ZCCHC18: variants seen among roughly 807,000 people sequenced by gnomAD.
ZCCHC18 encodes zinc finger CCHC domain-containing protein 18.
For missense variants in ZCCHC18, 292 were observed against 305.1 expected, an observed-to-expected ratio of 0.96 and a Z score of 0.32; for synonymous variants, 112 against 115.7, an observed-to-expected ratio of 0.97 and a Z score of 0.21.
Position 104,115,391 on chromosome X carries a change from G to C in ZCCHC18, c.*68G>C. 2 of 1,013,976 alleles carry C rather than the reference G, an allele frequency of 2.0e-6. No homozygotes were observed. The highest frequency in any genetic ancestry group is 2.5e-5 in the South Asian group (1 of 40,747). The allele number at this position is 1,013,976 out of a possible 1,213,427, so 83.6% of individuals were successfully genotyped here. A position where few individuals can be genotyped will look rare whatever the true frequency, so the allele number is the denominator to read the frequency against. On this transcript the variant is annotated 3_prime_UTR_variant, in exon 3 of 3. Coordinates refer to ENST00000650639, the MANE Select transcript of ZCCHC18 (RefSeq NM_001143978.3). ...GTCTGGTAATGGGAATAACAGGAGA[G>C]GGGGGTGGGTTTCTAACTGCATGAA...
chrX:104,114,100 T>C lies in ZCCHC18; in HGVS notation c.-12T>C. On this transcript the variant is annotated 5_prime_UTR_variant, in exon 3 of 3. Coordinates refer to ENST00000650639, the MANE Select transcript of ZCCHC18 (RefSeq NM_001143978.3). ...CATCTTGTTGTATTCAGATACCCTA[T>C]CGTCGTCAGTCATGGCTAGCATCAC... 2 of 1,211,618 alleles carry C rather than the reference T, an allele frequency of 1.7e-6. No individual in the cohort carries two copies. The highest frequency in any genetic ancestry group is 2.2e-6 in the Non-Finnish European group (2 of 895,447).
In ZCCHC18 at chrX:104,114,053, AG is replaced by A; in HGVS notation, c.-57del. Reference sequence around the variant, plus strand: ...GTTGCTTTGGAGAATCCTGCAGATAAGGCTTTTCCAAAAAGCGCGAGCATCT... The same window carrying A: ...GTTGCTTTGGAGAATCCTGCAGATAAGCTTTTCCAAAAAGCGCGAGCATCT... On this transcript the variant is annotated 5_prime_UTR_variant, in exon 3 of 3. Coordinates refer to ENST00000650639, the MANE Select transcript of ZCCHC18 (RefSeq NM_001143978.3). The A allele has an allele frequency of 8.3e-7, 1 of 1,206,163 alleles. No individual in the cohort carries two copies. Among genetic ancestry groups the A allele is most frequent in the East Asian group, 3.0e-5 (1 of 33,755 alleles).
rs2075372586 is a variant in ZCCHC18 at position 104,115,298 on chromosome X, A to T, written c.1187A>T (p.His396Leu). The T allele has an allele frequency of 8.5e-7, 1 of 1,172,874 alleles. No homozygotes were observed. Among genetic ancestry groups the T allele is most frequent in the Non-Finnish European group, 1.1e-6 (1 of 875,819 alleles). ...AGGTCAAAAGAGGTCCCTGGAGAAC[A>T]CAGTGATGCTTCTGAGCCACAGTAA... is the stretch of plus-strand genomic sequence containing the variant. ...EERSKEVPGE[H>L]SDASEPQ The change falls in exon 3 of 3, where the codon CAC becomes CTC. Residue 396 changes from histidine (H) to leucine (L), a missense_variant. Physicochemically the swap from His to Leu is moderately conservative, Grantham distance 99. Transcript: ENST00000650639.
chrX:104,113,812 A>T lies in ZCCHC18; in HGVS notation c.-300A>T, dbSNP rs2075361706. On this transcript the variant is annotated 5_prime_UTR_variant, in exon 3 of 3. Transcript: ENST00000650639. ...ATGTGGCTCTGAAAAACTACCTACT[A>T]GCCCAGGGACACCTGCTAGCTCTGG... is the stretch of plus-strand genomic sequence containing the variant. The T allele has an allele frequency of 3.6e-6, 1 of 274,195 alleles. No homozygotes were observed. The highest frequency in any genetic ancestry group is 2.8e-5 in the African/African-American group (1 of 36,126). 22.6% of individuals were successfully genotyped at this position (274,195 alleles called of 1,213,427 possible). A position where few individuals can be genotyped will look rare whatever the true frequency, so the allele number is the denominator to read the frequency against.
Position 104,115,035 on chromosome X carries a change from G to T in ZCCHC18, c.924G>T (p.Leu308=). 1.7e-6 allele frequency: 2 copies of T among 1,195,280 alleles called. No homozygotes were observed. The highest frequency in any genetic ancestry group is 3.7e-5 in the South Asian group (2 of 54,747). Reference sequence around the variant, plus strand: ...GAGCCAGACCTCTGGATCAAGTGCTGGTTATTGATTCCCCCAACAATTCTG... The same window carrying T: ...GAGCCAGACCTCTGGATCAAGTGCTTGTTATTGATTCCCCCAACAATTCTG... ...RGRARPLDQV[L]VIDSPNNSGA... Residue 308 remains leucine (L), a synonymous_variant, in exon 3 of 3, where the codon CTG becomes CTT. Coordinates refer to ENST00000650639, the MANE Select transcript of ZCCHC18 (RefSeq NM_001143978.3).
rs917171203 is a variant in ZCCHC18, at chrX:104,114,143, G to C, written c.32G>C (p.Ser11Thr). ...AGCATCACTGCGTGTGTGGGTAACAGCAGGCAGCAGAATGCACCTTTGCCG... is the reference window on the plus strand; with the variant it reads ...AGCATCACTGCGTGTGTGGGTAACACCAGGCAGCAGAATGCACCTTTGCCG... Reference protein sequence around the residue: MASITACVGNSRQQNAPLPPW... With the variant: MASITACVGNTRQQNAPLPPW... The change falls in exon 3 of 3, where the codon AGC becomes ACC. Residue 11 changes from serine (S) to threonine (T), a missense_variant. Ser to Thr is a moderately conservative substitution (Grantham distance 58). Transcript: ENST00000650639. 8.3e-7 allele frequency: 1 copy of C among 1,211,137 alleles called. No individual in the cohort carries two copies. The highest frequency in any genetic ancestry group is 1.1e-6 in the Non-Finnish European group (1 of 895,094).
At position 104,112,538 on chromosome X, in the gene ZCCHC18, T is replaced by A. The variant is rs1238353076; in HGVS notation, c.-1194T>A. ...GGCCCGTCACGCTCTTTTGTCTCAG[T>A]CGCCAGAGACTGAAAGCAACCGCGG... On this transcript the variant is annotated 5_prime_UTR_variant, in exon 1 of 3. Transcript: ENST00000650639. The A allele has an allele frequency of 8.8e-6, 1 of 113,580 alleles. No homozygotes were observed. Among genetic ancestry groups the A allele is most frequent in the Non-Finnish European group, 1.9e-5 (1 of 53,350 alleles). 9.4% of individuals were successfully genotyped at this position (113,580 alleles called of 1,213,427 possible). A position where few individuals can be genotyped will look rare whatever the true frequency, so the allele number is the denominator to read the frequency against.
In ZCCHC18 at chrX:104,114,129, G is replaced by T. The variant is rs782415322; in HGVS notation, c.18G>T (p.Ala6=). 2.5e-6 allele frequency: 3 copies of T among 1,211,504 alleles called. No individual in the cohort carries two copies. Among genetic ancestry groups the T allele is most frequent in the Non-Finnish European group, 3.4e-6 (3 of 895,296 alleles). Residue 6 remains alanine (A), a synonymous_variant, in exon 3 of 3, where the codon GCG becomes GCT. Transcript: ENST00000650639. ...CGTCAGTCATGGCTAGCATCACTGCGTGTGTGGGTAACAGCAGGCAGCAGA... is the reference window on the plus strand; with the variant it reads ...CGTCAGTCATGGCTAGCATCACTGCTTGTGTGGGTAACAGCAGGCAGCAGA... MASIT[A]CVGNSRQQNA...
Position 104,115,274 on chromosome X carries a change from G to A in ZCCHC18, c.1163G>A (p.Arg388Lys). Reference sequence around the variant, plus strand: ...CAGGAGCTGACACATACAGAGGAGAGGTCAAAAGAGGTCCCTGGAGAACAC... The same window carrying A: ...CAGGAGCTGACACATACAGAGGAGAAGTCAAAAGAGGTCCCTGGAGAACAC... ...TLQELTHTEE[R>K]SKEVPGEHSD... Residue 388 changes from arginine (R) to lysine (K), a missense_variant, in exon 3 of 3, where the codon AGG (arginine) becomes AAG (lysine). By Grantham distance (26) the Arg-to-Lys change is conservative (BLOSUM62 2). Coordinates refer to ENST00000650639, the MANE Select transcript of ZCCHC18 (RefSeq NM_001143978.3). 2.5e-6 allele frequency: 3 copies of A among 1,185,458 alleles called. No homozygotes were observed. The highest frequency in any genetic ancestry group is 3.4e-6 in the Non-Finnish European group (3 of 881,949).
rs1182032171 is a variant in ZCCHC18, at chrX:104,112,854, G to A, written c.-878G>A. On this transcript the variant is annotated 5_prime_UTR_variant, in exon 1 of 3. Coordinates refer to ENST00000650639, the MANE Select transcript of ZCCHC18 (RefSeq NM_001143978.3). ...CGCGGAGAGGGGTGGGGGAAGCCCC[G>A]CCAGGACTGGGCGGCGCCCGGCTTG... 2 of 112,572 alleles carry A rather than the reference G, an allele frequency of 1.8e-5. No homozygotes were observed. Among genetic ancestry groups the A allele is most frequent in the Non-Finnish European group, 3.8e-5 (2 of 53,293 alleles). The allele number at this position is 112,572 out of a possible 1,213,427, so 9.3% of individuals were successfully genotyped here.
intron 1 of ZCCHC18, 34 bp downstream of exon 1, chrX:104,113,035 T>C (rs1405553816): frequency 3.6e-5 from 1 of 27,852 alleles, no homozygotes; most frequent in Non-Finnish European, 6.2e-5. Context: ...TCGGGGGTGT[T>C]GTTGGGTGTC....
At position 104,114,556 on chromosome X, in the gene ZCCHC18, G is replaced by A; in HGVS notation, c.445G>A (p.Val149Met). Residue 149 changes from valine (V) to methionine (M), a missense_variant, in exon 3 of 3, where the codon GTG (valine) becomes ATG (methionine). Val to Met is a conservative substitution (Grantham distance 21, BLOSUM62 1). Transcript: ENST00000650639. ...ACAAGGGGAGAAAGCCTCCCTTTATGTGATCCGTTTAGAGGTGCAGCTCCA... is the reference window on the plus strand; with the variant it reads ...ACAAGGGGAGAAAGCCTCCCTTTATATGATCCGTTTAGAGGTGCAGCTCCA... Reference protein sequence around the residue: ...QAQGEKASLYVIRLEVQLQNA... With the variant: ...QAQGEKASLYMIRLEVQLQNA... 3 of 1,211,842 alleles carry A rather than the reference G, an allele frequency of 2.5e-6. No homozygotes were observed. The East Asian group carries it at 8.9e-5, about 36-fold the overall frequency.
Position 104,114,807 on chromosome X carries a change from G to A in ZCCHC18, c.696G>A (p.Pro232=), listed in dbSNP as rs782594488. Reference sequence around the variant, plus strand: ...ATGCTTTTATTAAACGGAAGCGGCCGAAAAGGTCTGAGCCAATAATGGAGA... The same window carrying A: ...ATGCTTTTATTAAACGGAAGCGGCCAAAAAGGTCTGAGCCAATAATGGAGA... ...WDDAFIKRKR[P]KRSEPIMERA... is the part of the protein sequence containing the mutation. Residue 232 remains proline, a synonymous_variant, in exon 3 of 3, where the codon CCG becomes CCA. Coordinates refer to ENST00000650639, the MANE Select transcript of ZCCHC18 (RefSeq NM_001143978.3). 6.6e-6 allele frequency: 8 copies of A among 1,208,942 alleles called. No homozygotes were observed. The highest frequency in any genetic ancestry group is 1.1e-6 in the Non-Finnish European group (1 of 894,483).
In ZCCHC18 at chrX:104,115,693, C is replaced by A; in HGVS notation, c.*370C>A. ...CATTGTCAGCCCTTTGGTGAATGTC[C>A]TTCCAGATATCTCCCTGTACCTGTG... On this transcript the variant is annotated 3_prime_UTR_variant, in exon 3 of 3. Transcript: ENST00000650639. 1 of 176,935 alleles carries A rather than the reference C, an allele frequency of 5.7e-6. No homozygotes were observed. Among genetic ancestry groups the A allele is most frequent in the Non-Finnish European group, 1.1e-5 (1 of 87,180 alleles). 14.6% of individuals were successfully genotyped at this position (176,935 alleles called of 1,213,427 possible).
In ZCCHC18 at chrX:104,115,444, G is replaced by C. The variant is rs916669276; in HGVS notation, c.*121G>C. ...AATCCACAAAGCAGTTTTCCTTTGG[G>C]AAGGAGAAGAGGTCTTGCATACCAG... On this transcript the variant is annotated 3_prime_UTR_variant, in exon 3 of 3. Coordinates refer to ENST00000650639, the MANE Select transcript of ZCCHC18 (RefSeq NM_001143978.3). The C allele has an allele frequency of 4.3e-6, 3 of 695,376 alleles. No individual in the cohort carries two copies. The highest frequency in any genetic ancestry group is 4.2e-6 in the Non-Finnish European group (2 of 474,862). The allele number at this position is 695,376 out of a possible 1,213,427, so 57.3% of individuals were successfully genotyped here. A position where few individuals can be genotyped will look rare whatever the true frequency, so the allele number is the denominator to read the frequency against.
Position 104,113,909 on chromosome X carries a change from T to A in ZCCHC18, c.-203T>A, listed in dbSNP as rs2075362187. The A allele has an allele frequency of 1.8e-6, 1 of 552,023 alleles. No homozygotes were observed. The allele number at this position is 552,023 out of a possible 1,213,427, so 45.5% of individuals were successfully genotyped here. ...GCAGATATAAAATGCACTGCAAGGC[T>A]ATTCAGGAAGATAGAGAATGCTACT... is the stretch of plus-strand genomic sequence containing the variant. On this transcript the variant is annotated 5_prime_UTR_variant, in exon 3 of 3. Transcript: ENST00000650639.
At position 104,114,573 on chromosome X, in the gene ZCCHC18, G is replaced by A. The variant is rs1556360524; in HGVS notation, c.462G>A (p.Val154=). The part of the protein sequence containing the change: ...KASLYVIRLE[V]QLQNAIQAGI... Reference sequence around the variant, plus strand: ...CCCTTTATGTGATCCGTTTAGAGGTGCAGCTCCAGAATGCTATTCAGGCAG... The same window carrying A: ...CCCTTTATGTGATCCGTTTAGAGGTACAGCTCCAGAATGCTATTCAGGCAG... Residue 154 remains valine, a synonymous_variant, in exon 3 of 3, where the codon GTG becomes GTA. Coordinates refer to ENST00000650639, the MANE Select transcript of ZCCHC18 (RefSeq NM_001143978.3). The A allele has an allele frequency of 4.1e-6, 5 of 1,210,078 alleles. No individual in the cohort carries two copies. In the East Asian group the frequency reaches 1.5e-4, roughly 36 times the overall value.
At position 104,114,698 on chromosome X, in the gene ZCCHC18, T is replaced by C; in HGVS notation, c.587T>C (p.Leu196Pro). The change falls in exon 3 of 3, where the codon CTC becomes CCC. Residue 196 changes from leucine (L) to proline (P), a missense_variant. Leu to Pro is a moderately conservative substitution (Grantham distance 98, BLOSUM62 -3). Coordinates refer to ENST00000650639, the MANE Select transcript of ZCCHC18 (RefSeq NM_001143978.3). ...RDLRFRLKHL[L>P]RMYANKQERL... ...CTGCGCTTCAGGCTTAAGCATCTTCTCAGGATGTATGCAAATAAGCAGGAG... is the reference window on the plus strand; with the variant it reads ...CTGCGCTTCAGGCTTAAGCATCTTCCCAGGATGTATGCAAATAAGCAGGAG... 8.3e-7 allele frequency: 1 copy of C among 1,211,846 alleles called. No homozygotes were observed. The highest frequency in any genetic ancestry group is 1.1e-6 in the Non-Finnish European group (1 of 895,560).
Position 104,113,991 on chromosome X carries a change from T to C in ZCCHC18, c.-121T>C. On this transcript the variant is annotated 5_prime_UTR_variant, in exon 3 of 3. Coordinates refer to ENST00000650639, the MANE Select transcript of ZCCHC18 (RefSeq NM_001143978.3). ...TTAACCTTTTTTACTTTCCTTAGAA[T>C]CCCTACTGAAATATAAGGCAGGCAC... is the stretch of plus-strand genomic sequence containing the variant. 2.7e-6 allele frequency: 3 copies of C among 1,095,427 alleles called. No homozygotes were observed. The highest frequency in any genetic ancestry group is 3.6e-6 in the Non-Finnish European group (3 of 824,726). 90.3% of individuals were successfully genotyped at this position (1,095,427 alleles called of 1,213,427 possible). A position where few individuals can be genotyped will look rare whatever the true frequency, so the allele number is the denominator to read the frequency against.
Sources: gnomAD v4.1 joint callset for allele counts on GRCh38, gnomAD v4.1.1 for gene constraint, MANE v1.5 for transcripts, NCBI Gene and HGNC (gene_info 2026-07-23, HGNC 2026-07-21) for gene names.